The following PRKCH variants were observed in gnomAD, a reference collection of about 807,000 sequenced individuals.
PRKCH encodes the protein protein kinase C eta, also known as protein kinase C eta type.
In PRKCH, 28 loss-of-function variants were observed where a neutral mutation model predicts 82.5. The ratio of observed to expected loss-of-function variants is 0.34; its 90% CI spans 0.25 to 0.47. The LOEUF is 0.47. Among genes scored for constraint, PRKCH ranks in the 20% least tolerant of loss-of-function variants. The pLI is 1.00. For missense variants in PRKCH, 705 were observed against 881.8 expected, an observed-to-expected ratio of 0.80 and a Z score of 2.54; for synonymous variants, 322 against 327.4, an observed-to-expected ratio of 0.98 and a Z score of 0.18.
intron 1 of PRKCH, among the ~76,000 whole-genome samples, chr14:61,323,656 C>G (rs374956936): frequency 3.9e-5 from 6 of 152,224 alleles, no homozygotes; most frequent in African/African-American, 1.4e-4. Context: ...TGGAGCTATT[C>G]CTTTCTTTTA....
In PRKCH at chr14:61,457,369, T is replaced by TG. The variant is rs72159054; in HGVS notation, c.1104+56dup. 5.9e-4 allele frequency: 943 copies of TG among 1,599,732 alleles called. No individual in the cohort carries two copies. In the East Asian group the frequency reaches 0.013, roughly 22 times the overall value. On this transcript the variant is annotated intron_variant, in intron 8 of 13. Transcript: ENST00000332981. ...GGTTGAAGTAAGTGTGCTCTGTGTA[T>TG]GGGGGGTGTGTGTGTGTGTGCACGC...
chr14:61,402,579 G>A (rs1010251813), intron 2 of PRKCH, among the ~76,000 whole-genome samples: 18 of 151,846 alleles, frequency 1.2e-4, no homozygotes, highest in East Asian at 1.9e-4. Context: ...GGCAGATCAC[G>A]AGGTCAGGAG....
At chr14:61,401,713 C>CAT (rs1196406975) in intron 2 of PRKCH, among the ~76,000 whole-genome samples, 3 of 152,190 alleles carry the variant, frequency 2.0e-5, no homozygotes, top group African/African-American at 7.2e-5. Context: ...TATTAAAGGT[C>CAT]AATCCTTGAC....
At chr14:61,212,277 A>G (rs2044587872) in intron 1 of PRKCH, among the ~76,000 whole-genome samples, 1 of 152,242 alleles carries the variant, frequency 6.6e-6, no homozygotes, top group Admixed American at 6.5e-5. Flanking sequence ...AAAGAATTGC[A>G]GAGTGTTTTT....
chr14:61,416,053 CTTTTTT>C (rs71117815), intron 2 of PRKCH, among the ~76,000 whole-genome samples: 12 of 94,156 alleles, frequency 1.3e-4, no homozygotes, highest in African/African-American at 4.7e-4. Context: ...CTTTTCTTTT[CTTTTTT>C]TTTTTTTTTT....
intron 1 of PRKCH, among the ~76,000 whole-genome samples, chr14:61,297,398 G>T (rs755150152): frequency 3.3e-5 from 5 of 152,138 alleles, no homozygotes; most frequent in Non-Finnish European, 5.9e-5. Context: ...TGGGGCTCCT[G>T]AGTCAAATGA....
intron 1 of PRKCH, among the ~76,000 whole-genome samples, chr14:61,249,621 T>A (rs1480093687): frequency 6.6e-6 from 1 of 151,848 alleles, no homozygotes; most frequent in African/African-American, 2.4e-5. Flanking sequence ...AATTTTTTTT[T>A]ATTATTTTTT....
chr14:61,227,586 C>G (rs556976796), intron 1 of PRKCH, among the ~76,000 whole-genome samples: 8 of 150,758 alleles, frequency 5.3e-5, no homozygotes, highest in Non-Finnish European at 1.0e-4. Context: ...GAGCGAGACT[C>G]TGTCTCAAAA....
intron 1 of PRKCH, chr14:61,281,446 T>TA (rs1224339833): frequency 4.0e-6 from 1 of 247,610 alleles, no homozygotes; most frequent in Non-Finnish European, 8.3e-6. Context: ...GGGTGTTTTT[T>TA]ACCTCACCTG....
chr14:61,410,863 G>A (rs1364385108), intron 2 of PRKCH, among the ~76,000 whole-genome samples: 1 of 152,164 alleles, frequency 6.6e-6, no homozygotes, highest in African/African-American at 2.4e-5. Flanking sequence ...CAGTGTGCCT[G>A]GCTAATTCCA....
chr14:61,228,820 T>G (rs1371542743), intron 1 of PRKCH, among the ~76,000 whole-genome samples: 1 of 152,050 alleles, frequency 6.6e-6, no homozygotes, highest in East Asian at 1.9e-4. Context: ...GCAGGAGGAT[T>G]GCTTGGGCCC....
intron 2 of PRKCH, among the ~76,000 whole-genome samples, chr14:61,429,390 A>G (rs1356413592): frequency 6.6e-6 from 1 of 152,260 alleles, no homozygotes; most frequent in African/African-American, 2.4e-5. Flanking sequence ...AGCAACATTT[A>G]TAAATGCTTT....
chr14:61,508,384 T>C (rs1887242850), intron 10 of PRKCH, among the ~76,000 whole-genome samples: 1 of 152,102 alleles, frequency 6.6e-6, no homozygotes, highest in Non-Finnish European at 1.5e-5. Context: ...AGAGTTGTGT[T>C]CCCCTCTAGG....
chr14:61,306,991 G>A (rs2045489548), intron 1 of PRKCH: 2 of 152,162 alleles, frequency 1.3e-5, no homozygotes, highest in South Asian at 4.1e-4. Context: ...ATAGAACAAA[G>A]TATATTCTAA....
At chr14:61,501,655 A>T (rs554198237) in intron 10 of PRKCH, among the ~76,000 whole-genome samples, 1 of 152,278 alleles carries the variant, frequency 6.6e-6, no homozygotes, top group East Asian at 1.9e-4. Flanking sequence ...GTCTGCAGGA[A>T]TTCATGGTGG....
chr14:61,244,152 C>T (rs1191401577), intron 1 of PRKCH, among the ~76,000 whole-genome samples: 17 of 152,082 alleles, frequency 1.1e-4, no homozygotes, highest in Admixed American at 1.1e-3. Context: ...CATGAGACCG[C>T]CACATGAGCA....
intron 1 of PRKCH, among the ~76,000 whole-genome samples, chr14:61,245,188 T>A (rs554310429): frequency 1.1e-4 from 17 of 152,256 alleles, no homozygotes; most frequent in African/African-American, 3.6e-4. Flanking sequence ...TTTGGAATTT[T>A]AAAAAAATAA....
intron 2 of PRKCH, among the ~76,000 whole-genome samples, chr14:61,439,431 A>G (rs753983129): frequency 2.0e-5 from 3 of 152,148 alleles, no homozygotes; most frequent in East Asian, 1.9e-4. Context: ...GTGTGTGTGT[A>G]GGTGCATGAG....
intron 1 of PRKCH, among the ~76,000 whole-genome samples, chr14:61,312,333 C>T (rs972747447): frequency 2.6e-5 from 4 of 152,252 alleles, no homozygotes; most frequent in East Asian, 3.9e-4. Context: ...GATGGAGTTT[C>T]GCCATGTTGG....
Sources: gnomAD v4.1 joint callset for allele counts (sites outside exome capture counted in the v4.1 genomes callset) on GRCh38, gnomAD v4.1.1 for gene constraint, MANE v1.5 for transcripts, NCBI Gene and HGNC (gene_info 2026-07-23, HGNC 2026-07-21) for gene names.